GRB10: variants seen among roughly 807,000 people sequenced by gnomAD.
The protein encoded by GRB10 is growth factor receptor bound protein 10, also known as growth factor receptor-bound protein 10.
GRB10 carries 20 observed loss-of-function variants against 80.9 expected under a neutral mutation model. The ratio of observed to expected loss-of-function variants is 0.25; its 90% CI spans 0.17 to 0.36. The LOEUF is 0.36. GRB10 is among the 10% of genes least tolerant of loss of function. The pLI, the probability that GRB10 is intolerant of heterozygous loss-of-function variation, is 1.00. For synonymous variants in GRB10, 291 were observed against 291.5 expected, an observed-to-expected ratio of 1.00 and a Z score of 0.02; for missense variants, 548 against 747.7, an observed-to-expected ratio of 0.73 and a Z score of 3.12.
upstream of GRB10, among the ~76,000 whole-genome samples, chr7:50,783,532 C>CAT (rs144387886): frequency 6.8e-4 from 102 of 151,080 alleles, 2 homozygotes; most frequent in East Asian, 0.019. Flanking sequence ...CACACACACA[C>CAT]ATCACACATA....
chr7:50,636,304 C>G (rs2055012874), intron 7 of GRB10, among the ~76,000 whole-genome samples: 1 of 152,042 alleles, frequency 6.6e-6, no homozygotes. Context: ...AACAGCCATA[C>G]AAACAAGAGG....
At chr7:50,777,905 G>A (rs1209456340) in intron 2 of GRB10, among the ~76,000 whole-genome samples, 2 of 152,090 alleles carry the variant, frequency 1.3e-5, no homozygotes, top group African/African-American at 2.4e-5. Flanking sequence ...ACACACACCA[G>A]GGCCTGTCAG....
intron 13 of GRB10, among the ~76,000 whole-genome samples, chr7:50,608,107 T>G (rs190578022): frequency 6.6e-6 from 1 of 152,268 alleles, no homozygotes; most frequent in Admixed American, 6.5e-5. Flanking sequence ...CTTTCCAAAG[T>G]TGACAAAAAG....
At chr7:50,785,761 G>A (rs2078667680), upstream of GRB10, among the ~76,000 whole-genome samples, 1 of 152,212 alleles carries the variant, frequency 6.6e-6, no homozygotes, top group Non-Finnish European at 1.5e-5. Context: ...TGCTTTCCGG[G>A]TAAGCTGGAC....
At chr7:50,604,958 C>A in intron 15 of GRB10, 1 of 340,836 alleles carries the variant, frequency 2.9e-6, no homozygotes, top group Non-Finnish European at 5.4e-6. Flanking sequence ...TGGCCCCACT[C>A]AGGCCTGGGC....
At chr7:50,655,033 G>GC (rs2058487982) in intron 7 of GRB10, among the ~76,000 whole-genome samples, 1 of 152,214 alleles carries the variant, frequency 6.6e-6, no homozygotes, top group Non-Finnish European at 1.5e-5. Flanking sequence ...GCGTTTGACT[G>GC]CCTTGGCTCT....
intron 2 of GRB10, among the ~76,000 whole-genome samples, chr7:50,761,323 A>G (rs1191769676): frequency 2.0e-5 from 3 of 152,236 alleles, no homozygotes; most frequent in Non-Finnish European, 4.4e-5. Context: ...GATTCTTTCA[A>G]TCACTTGCTG....
intron 5 of GRB10, among the ~76,000 whole-genome samples, chr7:50,688,959 C>T (rs1021956706): frequency 6.6e-6 from 1 of 152,146 alleles, no homozygotes; most frequent in Non-Finnish European, 1.5e-5. Flanking sequence ...GTACTCCCAA[C>T]CAAGGAGAGC....
chr7:50,614,804 T>C lies in GRB10; in HGVS notation c.1061A>G (p.Tyr354Cys). ...GAGCCCGTGGTCTGTAGGGGCGTTGTACTGCTTCCTGCCAGCGATCAGGGA... is the reference window on the plus strand; with the variant it reads ...GAGCCCGTGGTCTGTAGGGGCGTTGCACTGCTTCCTGCCAGCGATCAGGGA... ...IFSLIAGRKQ[Y>C]NAPTDHGLCI... The change falls in exon 12 of 19, where the codon TAC (tyrosine) becomes TGC (cysteine). Residue 354 changes from tyrosine to cysteine, a missense_variant. By Grantham distance (194) the Tyr-to-Cys change is radical. Coordinates refer to ENST00000401949, the MANE Select transcript of GRB10 (RefSeq NM_001350814.2). 1 of 1,614,054 alleles carries C rather than the reference T, an allele frequency of 6.2e-7. No homozygotes were observed. The highest frequency in any genetic ancestry group is 8.5e-7 in the Non-Finnish European group (1 of 1,179,956).
chr7:50,609,286 A>G (rs2049086159), intron 13 of GRB10, among the ~76,000 whole-genome samples: 1 of 152,260 alleles, frequency 6.6e-6, no homozygotes, highest in African/African-American at 2.4e-5. Flanking sequence ...CCAGAAAAGT[A>G]GAAAAAAGAT....
intron 13 of GRB10, chr7:50,606,812 C>T: frequency 3.9e-6 from 1 of 253,448 alleles, no homozygotes; most frequent in Non-Finnish European, 7.8e-6. Context: ...GTACTGCATT[C>T]GATTCTGTAA....
At chr7:50,633,535 C>G (rs1033399105) in intron 7 of GRB10, among the ~76,000 whole-genome samples, 7 of 152,140 alleles carry the variant, frequency 4.6e-5, no homozygotes, top group African/African-American at 1.4e-4. Flanking sequence ...CACATTAGCC[C>G]TCTAGCAATG....
chr7:50,694,295 G>A (rs923011793), intron 5 of GRB10, among the ~76,000 whole-genome samples: 9 of 152,170 alleles, frequency 5.9e-5, no homozygotes, highest in African/African-American at 1.9e-4. Flanking sequence ...CTGCACTCTA[G>A]CCTGGGTGTC....
upstream of GRB10, among the ~76,000 whole-genome samples, chr7:50,783,494 T>C (rs184112476): frequency 2.1e-5 from 3 of 143,824 alleles, no homozygotes; most frequent in Non-Finnish European, 4.6e-5. Context: ...ACCACACACA[T>C]ACATACACAC....
At chr7:50,791,199 C>A (rs1034476154) in intron 1 of GRB10, among the ~76,000 whole-genome samples, 2 of 152,180 alleles carry the variant, frequency 1.3e-5, no homozygotes. Flanking sequence ...ATAACTACCA[C>A]ATCAAAACTC....
intron 7 of GRB10, among the ~76,000 whole-genome samples, chr7:50,665,673 G>A (rs1157446764): frequency 6.6e-6 from 1 of 152,214 alleles, no homozygotes; most frequent in African/African-American, 2.4e-5. Context: ...AGGTGAGACC[G>A]ACCCTGCACT....
At chr7:50,651,936 T>A (rs1176068640) in intron 7 of GRB10, among the ~76,000 whole-genome samples, 1 of 152,250 alleles carries the variant, frequency 6.6e-6, no homozygotes, top group Non-Finnish European at 1.5e-5. Context: ...TTGGCAGGGC[T>A]GGACCCTGCT....
chr7:50,627,052 A>G, intron 7 of GRB10, 74 bp from the exon 8 acceptor site: 1 of 1,481,988 alleles, frequency 6.7e-7, no homozygotes, highest in South Asian at 1.1e-5. Context: ...AAACAAAAGA[A>G]AACAGGTAAA....
chr7:50,736,125 A>C (rs998462221), intron 3 of GRB10, among the ~76,000 whole-genome samples: 2 of 152,256 alleles, frequency 1.3e-5, no homozygotes, highest in East Asian at 3.9e-4. Context: ...ACCTCTACTA[A>C]AACTACAAAA....
Sources: gnomAD v4.1 joint callset for allele counts (sites outside exome capture counted in the v4.1 genomes callset) on GRCh38, gnomAD v4.1.1 for gene constraint, MANE v1.5 for transcripts, NCBI Gene and HGNC (gene_info 2026-07-23, HGNC 2026-07-21) for gene names.